The following PHACTR1 variants were observed in gnomAD, a reference collection of about 807,000 sequenced individuals.
The protein encoded by PHACTR1 is RPEL repeat containing 1.
A neutral mutation model predicts 69.2 loss-of-function variants in PHACTR1; 16 were observed. The ratio of observed to expected loss-of-function variants is 0.23; its 90% CI spans 0.16 to 0.35. The LOEUF is 0.35. Among genes scored for constraint, PHACTR1 ranks in the 10% least tolerant of loss-of-function variants. The probability of loss-of-function intolerance (pLI) is 1.00; values close to 1 mark genes in which losing one functional copy is unlikely to be tolerated. For missense variants in PHACTR1, 510 were observed against 734.7 expected (o/e 0.69, Z 3.54); for synonymous variants, 312 against 284.5 (o/e 1.10, Z -0.97).
chr6:13,055,127 T>C (rs1806573516), intron 5 of PHACTR1, among the ~76,000 whole-genome samples: 1 of 152,168 alleles, frequency 6.6e-6, no homozygotes. Context: ...GATAGCCATG[T>C]TTTCTGACTC....
At chr6:12,771,844 A>G (rs1455464943) in intron 4 of PHACTR1, among the ~76,000 whole-genome samples, 1 of 152,136 alleles carries the variant, frequency 6.6e-6, no homozygotes, top group Non-Finnish European at 1.5e-5. Flanking sequence ...CTGGGGAGGG[A>G]TAGAAGTTGG....
rs1162731614 is a variant in PHACTR1, at chr6:12,988,371, TA to T, written c.251-64993del. Among the ~76,000 whole-genome samples, 2 of 152,112 alleles carry T rather than the reference TA, an allele frequency of 1.3e-5. 1 individual carries two copies. Among genetic ancestry groups the T allele is most frequent in the African/African-American group, 4.8e-5 (2 of 41,420 alleles). Reference sequence around the variant, plus strand: ...CACACTGATCACCAATTACCATGGGTAGGTAGCAGAAGTGTGTGAAAACTGT... The same window carrying T: ...CACACTGATCACCAATTACCATGGGTGGTAGCAGAAGTGTGTGAAAACTGT... On this transcript the variant is annotated intron_variant, in intron 4 of 14. Transcript: ENST00000332995.
intron 5 of PHACTR1, among the ~76,000 whole-genome samples, chr6:13,063,284 A>C (rs1035766430): frequency 2.0e-4 from 31 of 152,188 alleles, no homozygotes; most frequent in African/African-American, 7.0e-4. Context: ...AAGTGAAGTG[A>C]TAAGAGATGC....
chr6:13,053,306 C>G, intron 4 of PHACTR1, 59 bp from the exon 5 acceptor site: 1 of 1,476,860 alleles, frequency 6.8e-7, no homozygotes, highest in Non-Finnish European at 9.1e-7. Flanking sequence ...ATCTGTGAGG[C>G]TCCCATTTTA....
chr6:13,076,280 T>C (rs1281699430), intron 5 of PHACTR1, among the ~76,000 whole-genome samples: 1 of 152,166 alleles, frequency 6.6e-6, no homozygotes, highest in Non-Finnish European at 1.5e-5. Flanking sequence ...ATATAAAAAG[T>C]GCTCTGGAAG....
At chr6:12,909,108 C>T (rs908310946) in intron 4 of PHACTR1, among the ~76,000 whole-genome samples, 16 of 152,096 alleles carry the variant, frequency 1.1e-4, no homozygotes, top group African/African-American at 3.9e-4. Flanking sequence ...CTCCTCAGTA[C>T]TTGAGTGGAT....
chr6:13,276,080 G>A (rs1778830708), intron 11 of PHACTR1: 1 of 151,178 alleles, frequency 6.6e-6, no homozygotes, highest in Non-Finnish European at 1.5e-5. Flanking sequence ...AGCTATTAAT[G>A]GCTGACTAGT....
At chr6:13,269,353 CTG>C (rs1777290093) in intron 10 of PHACTR1, among the ~76,000 whole-genome samples, 1 of 152,222 alleles carries the variant, frequency 6.6e-6, no homozygotes, top group South Asian at 2.1e-4. Context: ...TTCCAGACCT[CTG>C]ACACCGGCTC....
chr6:12,734,075 C>A (rs954167344), intron 3 of PHACTR1, among the ~76,000 whole-genome samples: 1 of 152,192 alleles, frequency 6.6e-6, no homozygotes, highest in African/African-American at 2.4e-5. Context: ...CCCCTCTGCA[C>A]AGTGTCTACT....
intron 4 of PHACTR1, among the ~76,000 whole-genome samples, chr6:12,887,081 C>A (rs1054956760): frequency 6.6e-6 from 1 of 152,154 alleles, no homozygotes; most frequent in South Asian, 2.1e-4. Flanking sequence ...GAGCTGGAGA[C>A]TTTCCCAGCC....
chr6:13,251,694 G>C (rs1774426947), intron 10 of PHACTR1, among the ~76,000 whole-genome samples: 1 of 152,170 alleles, frequency 6.6e-6, no homozygotes, highest in Non-Finnish European at 1.5e-5. Flanking sequence ...GCCTCTCTTT[G>C]AGTCTCCTAT....
At chr6:13,251,723 G>T (rs1003064459) in intron 10 of PHACTR1, among the ~76,000 whole-genome samples, 5 of 152,202 alleles carry the variant, frequency 3.3e-5, no homozygotes, top group Admixed American at 3.3e-4. Flanking sequence ...AGTTATCTGC[G>T]CTCTCAAGGG....
chr6:13,023,493 A>G (rs1458814101), intron 4 of PHACTR1, among the ~76,000 whole-genome samples: 1 of 152,186 alleles, frequency 6.6e-6, no homozygotes, highest in Non-Finnish European at 1.5e-5. Flanking sequence ...AAATCAAACA[A>G]TTTTCTTCTA....
intron 4 of PHACTR1, among the ~76,000 whole-genome samples, chr6:12,874,500 G>C (rs957508935): frequency 6.6e-6 from 1 of 152,074 alleles, no homozygotes; most frequent in Non-Finnish European, 1.5e-5. Flanking sequence ...GGGTTATACC[G>C]TAGACACCCT....
At chr6:12,917,949 A>T (rs1470825835) in intron 4 of PHACTR1, among the ~76,000 whole-genome samples, 1 of 152,194 alleles carries the variant, frequency 6.6e-6, no homozygotes, top group Middle Eastern at 3.2e-3. Context: ...TTCGTGTTCA[A>T]TGGTAACTAA....
chr6:13,134,096 C>G (rs534730765), intron 5 of PHACTR1, among the ~76,000 whole-genome samples: 6 of 151,394 alleles, frequency 4.0e-5, no homozygotes, highest in African/African-American at 1.5e-4. Flanking sequence ...CCCCTCCGCC[C>G]GGCAGCCGCC....
intron 5 of PHACTR1, among the ~76,000 whole-genome samples, chr6:13,150,723 CT>C (rs2113445945): frequency 6.6e-6 from 1 of 152,236 alleles, no homozygotes; most frequent in South Asian, 2.1e-4. Flanking sequence ...GCCACCTGGT[CT>C]TTTGAAATGG....
intron 11 of PHACTR1, chr6:13,274,437 G>C (rs1274580675): frequency 6.6e-6 from 1 of 152,140 alleles, no homozygotes; most frequent in Non-Finnish European, 1.5e-5. Flanking sequence ...CCCCAATCTG[G>C]TACCTGAGCC....
At chr6:13,066,707 G>A (rs1054894541) in intron 5 of PHACTR1, among the ~76,000 whole-genome samples, 3 of 152,116 alleles carry the variant, frequency 2.0e-5, no homozygotes, top group African/African-American at 7.2e-5. Context: ...CAGGTGGATT[G>A]CATTGGAGTC....
Sources: allele counts gnomAD v4.1 joint callset (sites outside exome capture counted in the v4.1 genomes callset), GRCh38; gene constraint gnomAD v4.1.1; transcripts MANE v1.5; gene names NCBI Gene and HGNC (gene_info 2026-07-23, HGNC 2026-07-21).